Variants in PNPLA8 observed in about 807,000 individuals in gnomAD.
PNPLA8 encodes patatin like domain 8, phospholipase A2, also known as calcium-independent phospholipase A2-gamma.
A neutral mutation model predicts 76.9 loss-of-function variants in PNPLA8; 39 were observed. That is an observed-to-expected ratio of 0.51 (90% CI 0.39 to 0.66). PNPLA8 has a LOEUF of 0.66. Among genes scored for constraint, PNPLA8 ranks in the 30% least tolerant of loss-of-function variants. The probability of loss-of-function intolerance (pLI) is 0.00; values close to 1 mark genes in which losing one functional copy is unlikely to be tolerated. For missense variants in PNPLA8, 887 were observed against 918.0 expected, an observed-to-expected ratio of 0.97 and a Z score of 0.44; for synonymous variants, 301 against 307.9, an observed-to-expected ratio of 0.98 and a Z score of 0.24.
rs770781117 is a variant in PNPLA8, at chr7:108,496,606, G to T, written c.1603C>A (p.Gln535Lys). The T allele has an allele frequency of 1.4e-5, 22 of 1,599,648 alleles. No homozygotes were observed. Among genetic ancestry groups the T allele is most frequent in the Non-Finnish European group, 1.8e-5 (21 of 1,174,922 alleles). Residue 535 changes from glutamine (Q) to lysine (K), a missense_variant, in exon 7 of 11, where the codon CAA becomes AAA. Physicochemically the swap from Gln to Lys is moderately conservative, Grantham distance 53. Coordinates refer to ENST00000257694, the MANE Select transcript of PNPLA8 (RefSeq NM_001256007.3). ...TACTTAAGAATGTTTTCCCATGTTTGACTGTCATAAAATGCATGGCTCCAA... is the reference window on the plus strand; with the variant it reads ...TACTTAAGAATGTTTTCCCATGTTTTACTGTCATAAAATGCATGGCTCCAA... ...MSWSHAFYDSQTWENILKDRM... is the reference protein window; with the variant it reads ...MSWSHAFYDSKTWENILKDRM...
intron 8 of PNPLA8, among the ~76,000 whole-genome samples, chr7:108,490,763 G>A (rs1273246533): frequency 2.0e-5 from 3 of 146,804 alleles, no homozygotes; most frequent in East Asian, 2.0e-4. Context: ...CAGCCTGGGC[G>A]ACAGAGCAAG....
chr7:108,515,240 C>T lies in PNPLA8; in HGVS notation c.252G>A (p.Leu84=), dbSNP rs375294136. The T allele has an allele frequency of 3.2e-5, 52 of 1,601,318 alleles. No individual in the cohort carries two copies. The highest frequency in any genetic ancestry group is 4.1e-5 in the Non-Finnish European group (48 of 1,172,800). ...PSNHGLHIGI[L]KLSTSAPKGL... ...CCTTGGGAGCAGAAGTGCTAAGTTT[C>T]AAAATCCCAATATGTAAACCATGGT... The change falls in exon 3 of 11, where the codon TTG becomes TTA. Residue 84 remains leucine, a synonymous_variant. Coordinates refer to ENST00000257694, the MANE Select transcript of PNPLA8 (RefSeq NM_001256007.3).
At chr7:108,483,066 T>C (rs570470158) in intron 9 of PNPLA8, among the ~76,000 whole-genome samples, 1 of 152,258 alleles carries the variant, frequency 6.6e-6, no homozygotes, top group African/African-American at 2.4e-5. Flanking sequence ...CAGATTATGA[T>C]AACTCTTCAT....
chr7:108,483,018 C>T (rs1176809157), intron 9 of PNPLA8, among the ~76,000 whole-genome samples: 1 of 152,164 alleles, frequency 6.6e-6, no homozygotes, highest in African/African-American at 2.4e-5. Context: ...AATTTATGCT[C>T]AGTTATTTTA....
chr7:108,511,040 GAAAA>G (rs60102827), intron 4 of PNPLA8: 151 of 366,416 alleles, frequency 4.1e-4, no homozygotes, highest in Middle Eastern at 8.3e-4. Flanking sequence ...TCTCAAATTG[GAAAA>G]AAAAAAAAAA....
Position 108,526,115 on chromosome 7 carries a change from T to G in PNPLA8, c.-216A>C, listed in dbSNP as rs1230771680. 1.3e-5 allele frequency: 13 copies of G among 985,126 alleles called. No homozygotes were observed. Among genetic ancestry groups the G allele is most frequent in the Middle Eastern group, 5.2e-4 (1 of 1,936 alleles). The allele number at this position is 985,126 out of a possible 1,614,324, so 61.0% of individuals were successfully genotyped here. A position where few individuals can be genotyped will look rare whatever the true frequency, so the allele number is the denominator to read the frequency against. ...TCCACTCCAACCGGCCTGCATCAGC[T>G]GAGCTTCCAACACAAACACTGGCGC... On this transcript the variant is annotated 5_prime_UTR_variant, in exon 1 of 11. Transcript: ENST00000257694.
At chr7:108,506,939 A>G (rs1420014207) in intron 4 of PNPLA8, among the ~76,000 whole-genome samples, 3 of 152,148 alleles carry the variant, frequency 2.0e-5, no homozygotes. Flanking sequence ...GTTGTTCTCT[A>G]TATATAATAT....
chr7:108,492,520 T>C (rs1221746959), intron 7 of PNPLA8, among the ~76,000 whole-genome samples: 3 of 152,124 alleles, frequency 2.0e-5, no homozygotes, highest in Non-Finnish European at 4.4e-5. Flanking sequence ...AATCTTGGTT[T>C]TCTCAAAACC....
chr7:108,512,669 C>T (rs770760259), intron 4 of PNPLA8, among the ~76,000 whole-genome samples: 10 of 152,134 alleles, frequency 6.6e-5, no homozygotes, highest in African/African-American at 1.2e-4. Context: ...AAAGTTCACA[C>T]TAGAGTGTAC....
At chr7:108,520,692 A>C (rs1863672772) in intron 2 of PNPLA8, among the ~76,000 whole-genome samples, 1 of 152,156 alleles carries the variant, frequency 6.6e-6, no homozygotes, top group South Asian at 2.1e-4. Flanking sequence ...AAAATATCAC[A>C]TCTACCCTAT....
chr7:108,525,740 T>TCGTGGGGATGGGA (rs1448204155), intron 1 of PNPLA8, among the ~76,000 whole-genome samples: 1 of 151,278 alleles, frequency 6.6e-6, no homozygotes, highest in East Asian at 1.9e-4. Flanking sequence ...GAGGAGGGAG[T>TCGTGGGGATGGGA]CGTGGGGATG....
intron 2 of PNPLA8, among the ~76,000 whole-genome samples, chr7:108,517,630 G>C (rs989856535): frequency 3.9e-5 from 6 of 152,172 alleles, no homozygotes; most frequent in Non-Finnish European, 8.8e-5. Context: ...TAAAAAGACC[G>C]TGAGAAACCT....
At chr7:108,480,864 A>C in intron 9 of PNPLA8, 1 of 230,834 alleles carries the variant, frequency 4.3e-6, no homozygotes, top group Non-Finnish European at 9.3e-6. Context: ...ACCCCCAAAA[A>C]CTCTCTCATG....
rs768636308 is a variant in PNPLA8 at position 108,514,524 on chromosome 7, T to A, written c.968A>T (p.Glu323Val). The change falls in exon 3 of 11, where the codon GAA becomes GTA. Residue 323 changes from glutamate to valine, a missense_variant. Coordinates refer to ENST00000257694, the MANE Select transcript of PNPLA8 (RefSeq NM_001256007.3). The stretch of plus-strand genomic sequence containing the variant: ...ATCAGTTTTAGCAGGCTCTTCCTGT[T>A]CTTCTGACTGACTCTTTGAATCATA... ...LKYDSKSQSE[E>V]QEEPAKTDQA... 7.2e-5 allele frequency: 116 copies of A among 1,613,854 alleles called. No homozygotes were observed. The highest frequency in any genetic ancestry group is 9.1e-5 in the Non-Finnish European group (107 of 1,179,832).
rs571792647 is a variant in PNPLA8 at position 108,487,137 on chromosome 7, T to C, written c.1878+622A>G. ...CAGAAATAATATTCACTTTTACAGC[T>C]AGTGTACACATGAATTTAAAAGAGT... On this transcript the variant is annotated intron_variant, in intron 9 of 10. Coordinates refer to ENST00000257694, the MANE Select transcript of PNPLA8 (RefSeq NM_001256007.3). Among the ~76,000 whole-genome samples, 62 of 152,274 alleles carry C rather than the reference T, an allele frequency of 4.1e-4. 1 individual carries two copies. Among genetic ancestry groups the C allele is most frequent in the African/African-American group, 1.4e-3 (59 of 41,568 alleles).
chr7:108,526,545 C>A (rs144707062), upstream of PNPLA8, among the ~76,000 whole-genome samples: 1 of 152,214 alleles, frequency 6.6e-6, no homozygotes, highest in South Asian at 2.1e-4. Flanking sequence ...TCCCTCTCCG[C>A]GTCCCTGAAG....
In PNPLA8 at chr7:108,502,584, G is replaced by T. The variant is rs1407006471; in HGVS notation, c.1265C>A (p.Ala422Asp). The change falls in exon 5 of 11, where the codon GCT becomes GAT. Residue 422 changes from alanine to aspartate, a missense_variant. By Grantham distance (126) the Ala-to-Asp change is moderately radical. Transcript: ENST00000257694. ...TAGGGCCAAAATTTCTCTAACTGCA[G>T]CCTGAAGAGTTTCATCCTTAATTTG... ...LRQIKDETLQ[A>D]AVREILALIG... is the part of the protein sequence containing the mutation. The T allele has an allele frequency of 6.2e-7, 1 of 1,611,102 alleles. No individual in the cohort carries two copies. The highest frequency in any genetic ancestry group is 1.7e-5 in the Admixed American group (1 of 59,912).
intron 9 of PNPLA8, 45 bp from the exon 10 acceptor site, chr7:108,479,424 C>T (rs1338877301): frequency 2.1e-5 from 28 of 1,333,984 alleles, no homozygotes; most frequent in South Asian, 3.8e-5. Flanking sequence ...AACTGACTCA[C>T]GGGGAAAGCT....
Position 108,522,518 on chromosome 7 carries a change from A to T in PNPLA8, c.-129-997T>A, listed in dbSNP as rs370201276. Among the ~76,000 whole-genome samples the T allele has an allele frequency of 2.6e-5, 4 of 152,134 alleles. No individual in the cohort carries two copies. The East Asian group carries it at 5.8e-4, about 22-fold the overall frequency. On this transcript the variant is annotated intron_variant, in intron 1 of 10. Transcript: ENST00000257694. ...CCCCTTTGAGTTGTCCTGCCCTTCC[A>T]AATCAAACCAATGTGACTGATTGAT...
Sources: allele counts gnomAD v4.1 joint callset (sites outside exome capture counted in the v4.1 genomes callset), GRCh38; gene constraint gnomAD v4.1.1; transcripts MANE v1.5; gene names NCBI Gene and HGNC (gene_info 2026-07-23, HGNC 2026-07-21).